Variants in MXI1 observed in about 807,000 individuals in gnomAD.
The protein encoded by MXI1 is max-interacting protein 1.
A neutral mutation model predicts 36.9 loss-of-function variants in MXI1; 18 were observed. That is an observed-to-expected ratio of 0.49 (90% confidence interval 0.34 to 0.72). The LOEUF (loss-of-function observed/expected upper bound fraction) is 0.72, where lower values mean the gene tolerates loss of function less well. MXI1 is among the 30% of genes least tolerant of loss of function. The pLI is 0.01. For synonymous variants in MXI1, 160 were observed against 146.7 expected (o/e 1.09, Z -0.65); for missense variants, 304 against 379.1 (o/e 0.80, Z 1.64).
intron 5 of MXI1, among the ~76,000 whole-genome samples, chr10:110,284,467 G>A (rs1590417746): frequency 6.6e-6 from 1 of 152,170 alleles, no homozygotes; most frequent in Admixed American, 6.5e-5. Flanking sequence ...ACAGAACTGA[G>A]AATTAGTTTG....
intron 2 of MXI1, among the ~76,000 whole-genome samples, chr10:110,235,931 C>G (rs550331869): frequency 6.6e-6 from 1 of 151,838 alleles, no homozygotes; most frequent in Non-Finnish European, 1.5e-5. Flanking sequence ...CACTTGAACC[C>G]GGATAGTGGA....
At chr10:110,275,580 A>G (rs1856999266) in intron 3 of MXI1, among the ~76,000 whole-genome samples, 1 of 152,204 alleles carries the variant, frequency 6.6e-6, no homozygotes, top group Non-Finnish European at 1.5e-5. Context: ...TGCTCTTGGA[A>G]GGGTACATTT....
chr10:110,213,540 C>A (rs1854558539), intron 1 of MXI1, among the ~76,000 whole-genome samples: 1 of 152,160 alleles, frequency 6.6e-6, no homozygotes, highest in Non-Finnish European at 1.5e-5. Flanking sequence ...TCTCTGCTGA[C>A]TGGTAAATAC....
chr10:110,226,056 C>T (rs1380913084), intron 1 of MXI1: 3 of 995,910 alleles, frequency 3.0e-6, no homozygotes, highest in East Asian at 1.0e-4. Flanking sequence ...GCTGGGGCGG[C>T]AGGGGCGGCG....
chr10:110,230,942 A>G (rs764400235), intron 2 of MXI1, among the ~76,000 whole-genome samples: 6 of 152,214 alleles, frequency 3.9e-5, no homozygotes, highest in Non-Finnish European at 5.9e-5. Flanking sequence ...TTTTATTACT[A>G]TACATCTTGA....
intron 3 of MXI1, among the ~76,000 whole-genome samples, chr10:110,274,301 G>T (rs1420595336): frequency 6.6e-6 from 1 of 151,948 alleles, no homozygotes. Flanking sequence ...AGGGTTAGTG[G>T]CTGGGAATTA....
At chr10:110,274,872 A>ATTTTTTTTTTTTTTTTT (rs66570053) in intron 3 of MXI1, among the ~76,000 whole-genome samples, 1 of 110,002 alleles carries the variant, frequency 9.1e-6, no homozygotes, top group African/African-American at 3.7e-5. Context: ...GTGAATAAGG[A>ATTTTTTTTTTTTTTTTT]TTTTTTTTTT....
At chr10:110,279,119 T>A (rs1450988867) in intron 3 of MXI1, 61 bp from the exon 4 acceptor site, 43 of 1,260,290 alleles carry the variant, frequency 3.4e-5, no homozygotes, top group Non-Finnish European at 4.7e-5. Flanking sequence ...TTAAAATAGG[T>A]TTTATGATAT....
At chr10:110,281,789 A>C (rs1243670948) in intron 5 of MXI1, among the ~76,000 whole-genome samples, 1 of 152,174 alleles carries the variant, frequency 6.6e-6, no homozygotes, top group Non-Finnish European at 1.5e-5. Flanking sequence ...GATGCAGAAT[A>C]CTTCATAGGT....
chr10:110,253,450 C>T lies in MXI1; in HGVS notation c.437+8593C>T, dbSNP rs1040260580. On this transcript the variant is annotated intron_variant, in intron 3 of 5. Transcript: ENST00000332674. ...TTGGCAGGAAGAACATATCTGAAAT[C>T]GTTTTCACTGCCTATTTTGTATGCT... Among the ~76,000 whole-genome samples the T allele has an allele frequency of 5.3e-5, 8 of 151,958 alleles. No homozygotes were observed. In the South Asian group the frequency reaches 1.7e-3, roughly 31 times the overall value.
chr10:110,284,509 A>T (rs907802987), intron 5 of MXI1, among the ~76,000 whole-genome samples: 3 of 152,226 alleles, frequency 2.0e-5, no homozygotes, highest in African/African-American at 7.2e-5. Context: ...TTTTTAAACC[A>T]CTTGGGGGTT....
intron 2 of MXI1, among the ~76,000 whole-genome samples, chr10:110,238,300 T>G (rs1213355268): frequency 1.3e-5 from 2 of 152,194 alleles, no homozygotes. Context: ...GACCATCCCC[T>G]ATCCTGAGTT....
intron 3 of MXI1, among the ~76,000 whole-genome samples, chr10:110,253,159 G>T (rs1210344058): frequency 6.6e-6 from 1 of 152,090 alleles, no homozygotes; most frequent in Non-Finnish European, 1.5e-5. Context: ...GTTTATACTT[G>T]TAGGCAAGAA....
intron 1 of MXI1, among the ~76,000 whole-genome samples, chr10:110,216,626 T>G (rs1448929992): frequency 2.0e-5 from 3 of 150,782 alleles, no homozygotes; most frequent in East Asian, 3.9e-4. Context: ...CCAAAAGGAG[T>G]AGTTCTTTCC....
At chr10:110,260,416 G>GGGGTGTGT (rs1374637231) in intron 3 of MXI1, among the ~76,000 whole-genome samples, 1 of 144,568 alleles carries the variant, frequency 6.9e-6, no homozygotes, top group African/African-American at 2.6e-5. Context: ...CCTTGATACA[G>GGGGTGTGT]GTGTGTGTGT....
At position 110,228,324 on chromosome 10, in the gene MXI1, A is replaced by G; in HGVS notation, c.407+3A>G. On this transcript the variant is annotated splice_donor_region_variant and intron_variant, in intron 2 of 5. Transcript: ENST00000332674. Reference sequence around the variant, plus strand: ...AGCAACACCAGCACTGCCAACAGGTAGCAAGCTGGGAACGCTTAGAAGAGG... The same window carrying G: ...AGCAACACCAGCACTGCCAACAGGTGGCAAGCTGGGAACGCTTAGAAGAGG... 6.2e-7 allele frequency: 1 copy of G among 1,614,162 alleles called. No individual in the cohort carries two copies. The highest frequency in any genetic ancestry group is 8.5e-7 in the Non-Finnish European group (1 of 1,180,028).
chr10:110,217,083 C>T (rs1854669995), intron 1 of MXI1, among the ~76,000 whole-genome samples: 2 of 152,070 alleles, frequency 1.3e-5, no homozygotes, highest in African/African-American at 4.8e-5. Context: ...ATACATTCCA[C>T]TCGCAGTTCT....
intron 3 of MXI1, among the ~76,000 whole-genome samples, chr10:110,268,939 T>TAAC (rs529880323): frequency 3.4e-4 from 52 of 152,270 alleles, no homozygotes; most frequent in Non-Finnish European, 5.1e-4. Context: ...CTTCAGTTAT[T>TAAC]AACAACAACA....
intron 1 of MXI1, among the ~76,000 whole-genome samples, chr10:110,224,930 G>A (rs927602445): frequency 6.6e-6 from 1 of 152,180 alleles, no homozygotes; most frequent in Admixed American, 6.5e-5. Flanking sequence ...TTACAGGCGT[G>A]AGCCACTGTG....
Sources: gnomAD v4.1 joint callset for allele counts (sites outside exome capture counted in the v4.1 genomes callset) on GRCh38, gnomAD v4.1.1 for gene constraint, MANE v1.5 for transcripts, NCBI Gene and HGNC (gene_info 2026-07-23, HGNC 2026-07-21) for gene names.